ARHGAP18: variants seen among roughly 807,000 people sequenced by gnomAD.
ARHGAP18 encodes the protein Rho GTPase activating protein 18, also known as rho GTPase-activating protein 18.
In ARHGAP18, 67 loss-of-function variants were observed where a neutral mutation model predicts 86.2. The ratio of observed to expected loss-of-function variants is 0.78; its 90% CI spans 0.64 to 0.95. The LOEUF (loss-of-function observed/expected upper bound fraction) is 0.95. ARHGAP18 is among the 40% of genes least tolerant of loss of function. The pLI is 0.00. For missense variants in ARHGAP18, 691 were observed against 780.4 expected, an observed-to-expected ratio of 0.89 and a Z score of 1.37; for synonymous variants, 283 against 280.4, an observed-to-expected ratio of 1.01 and a Z score of -0.09.
chr6:129,664,247 G>A (rs989406238), intron 1 of ARHGAP18, among the ~76,000 whole-genome samples: 6 of 152,222 alleles, frequency 3.9e-5, no homozygotes, highest in Non-Finnish European at 7.3e-5. Flanking sequence ...AATAAACATA[G>A]CAGGGGATGG....
intron 2 of ARHGAP18, among the ~76,000 whole-genome samples, chr6:129,639,503 C>A (rs1773401572): frequency 6.6e-6 from 1 of 152,172 alleles, no homozygotes; most frequent in African/African-American, 2.4e-5. Context: ...GATCTGTAAA[C>A]TAAAGCACAC....
At chr6:129,592,519 G>C (rs1262977770) in intron 12 of ARHGAP18, among the ~76,000 whole-genome samples, 2 of 152,150 alleles carry the variant, frequency 1.3e-5, no homozygotes, top group Non-Finnish European at 2.9e-5. Flanking sequence ...GTTCCTCCCT[G>C]GTAAATTAAG....
intron 13 of ARHGAP18, among the ~76,000 whole-genome samples, chr6:129,583,280 G>T (rs1788325060): frequency 6.6e-6 from 1 of 152,156 alleles, no homozygotes; most frequent in Admixed American, 6.5e-5. Flanking sequence ...CTAAAAGAAA[G>T]AATTCAAAGG....
intron 6 of ARHGAP18, 124 bp from the exon 7 acceptor site, chr6:129,616,427 T>A: frequency 1.4e-6 from 1 of 709,872 alleles, no homozygotes; most frequent in Non-Finnish European, 2.3e-6. Context: ...AACTACTAAG[T>A]GAATGACAGC....
chr6:129,648,733 GAA>G (rs139629350), intron 1 of ARHGAP18, among the ~76,000 whole-genome samples: 1 of 150,750 alleles, frequency 6.6e-6, no homozygotes. Flanking sequence ...CTCTATGTTA[GAA>G]AAAAAAAGCA....
chr6:129,668,753 G>A (rs1013739218), intron 1 of ARHGAP18, among the ~76,000 whole-genome samples: 3 of 152,162 alleles, frequency 2.0e-5, no homozygotes, highest in South Asian at 2.1e-4. Context: ...TCCTCCACTC[G>A]ATCTCTAAAC....
chr6:129,615,879 A>G (rs1789087171), intron 7 of ARHGAP18, among the ~76,000 whole-genome samples: 1 of 152,256 alleles, frequency 6.6e-6, no homozygotes, highest in East Asian at 1.9e-4. Flanking sequence ...ATACACAGGC[A>G]TGAAATATTC....
intron 12 of ARHGAP18, among the ~76,000 whole-genome samples, chr6:129,591,519 T>C (rs973074707): frequency 1.2e-4 from 18 of 152,202 alleles, no homozygotes; most frequent in African/African-American, 4.1e-4. Flanking sequence ...AATGACCTCA[T>C]ATGGTCTTCA....
chr6:129,628,339 A>C lies in ARHGAP18; in HGVS notation c.786+1014T>G, dbSNP rs1397104749. ...GTGTCAGCCAGTAAGTGTAGAAGGA[A>C]TAATAGAATTTTAAAATAGCCATTT... On this transcript the variant is annotated intron_variant, in intron 5 of 14. Coordinates refer to ENST00000368149, the MANE Select transcript of ARHGAP18 (RefSeq NM_033515.3). Among the ~76,000 whole-genome samples, 3 of 152,204 alleles carry C rather than the reference A, an allele frequency of 2.0e-5. No homozygotes were observed. The East Asian group carries it at 5.8e-4, about 29-fold the overall frequency.
At chr6:129,672,148 T>C (rs537368085) in intron 1 of ARHGAP18, among the ~76,000 whole-genome samples, 1 of 152,280 alleles carries the variant, frequency 6.6e-6, no homozygotes, top group South Asian at 2.1e-4. Context: ...CTCAGATTTT[T>C]CATCTATGTC....
Position 129,607,938 on chromosome 6 carries a change from G to A in ARHGAP18, c.1237C>T (p.Pro413Ser). 1 of 1,613,758 alleles carries A rather than the reference G, an allele frequency of 6.2e-7. No homozygotes were observed. Among genetic ancestry groups the A allele is most frequent in the Non-Finnish European group, 8.5e-7 (1 of 1,179,844 alleles). The change falls in exon 9 of 15, where the codon CCA (proline) becomes TCA (serine). Residue 413 changes from proline (P) to serine (S), a missense_variant. Coordinates refer to ENST00000368149, the MANE Select transcript of ARHGAP18 (RefSeq NM_033515.3). Reference protein sequence around the residue: ...LKLFIRELPQPLLSVEYLKAF... With the variant: ...LKLFIRELPQSLLSVEYLKAF... ...TTGAGATACTCCACACTGAGCAGTGGCTGGGGCAACTCCCGAATGAAGAGC... is the reference window on the plus strand; with the variant it reads ...TTGAGATACTCCACACTGAGCAGTGACTGGGGCAACTCCCGAATGAAGAGC...
intron 12 of ARHGAP18, 127 bp from the exon 13 acceptor site, chr6:129,584,239 C>A: frequency 7.5e-7 from 1 of 1,331,366 alleles, no homozygotes. Flanking sequence ...ACCTTAACTA[C>A]TGTATAATGT....
chr6:129,589,927 T>C lies in ARHGAP18; in HGVS notation c.1714-5815A>G, dbSNP rs557524297. On this transcript the variant is annotated intron_variant, in intron 12 of 14. Transcript: ENST00000368149. The stretch of plus-strand genomic sequence containing the variant: ...AGGTCAGACAGCCCCTGGTAAACCA[T>C]TGGTGTAAGTCCAAGGGTCCAAACA... 5.3e-5 allele frequency among the ~76,000 whole-genome samples: 8 copies of C among 152,280 alleles called. No homozygotes were observed. In the East Asian group the frequency reaches 9.6e-4, roughly 18 times the overall value.
intron 1 of ARHGAP18, among the ~76,000 whole-genome samples, chr6:129,672,735 A>G (rs1774161947): frequency 6.6e-6 from 1 of 152,194 alleles, no homozygotes; most frequent in South Asian, 2.1e-4. Context: ...TCCTTCCAAT[A>G]ATGTCTTTGT....
At chr6:129,629,685 C>A (rs1773155648) in intron 4 of ARHGAP18, among the ~76,000 whole-genome samples, 163 bp from the exon 5 acceptor site, 2 of 152,086 alleles carry the variant, frequency 1.3e-5, no homozygotes, top group Non-Finnish European at 2.9e-5. Context: ...AGAATCCTAT[C>A]AATGGTGCAT....
chr6:129,608,063 C>CAAAAAA lies in ARHGAP18; in HGVS notation c.1123-12_1123-11insTTTTTT. On this transcript the variant is annotated splice_polypyrimidine_tract_variant and intron_variant, in intron 8 of 14. Coordinates refer to ENST00000368149, the MANE Select transcript of ARHGAP18 (RefSeq NM_033515.3). ...TTCTTGGCAAAGATTCTGATAGGCA[C>CAAAAAA]GAAAAAAAAAAAAAAAAAAAAAAGA... 4.7e-6 allele frequency: 3 copies of CAAAAAA among 643,622 alleles called. No homozygotes were observed. The highest frequency in any genetic ancestry group is 9.2e-5 in the South Asian group (2 of 21,742). 39.9% of individuals were successfully genotyped at this position (643,622 alleles called of 1,614,324 possible). A position where few individuals can be genotyped will look rare whatever the true frequency, so the allele number is the denominator to read the frequency against.
intron 1 of ARHGAP18, among the ~76,000 whole-genome samples, chr6:129,651,006 G>A (rs1394641000): frequency 6.6e-6 from 1 of 152,102 alleles, no homozygotes; most frequent in Non-Finnish European, 1.5e-5. Flanking sequence ...TTCCTTGGGG[G>A]CAAGAATCTA....
rs1788170955 is a variant in ARHGAP18, at chr6:129,576,154, T to C, written c.*2359A>G. 6.6e-6 allele frequency: 1 copy of C among 152,212 alleles called. No individual in the cohort carries two copies. Among genetic ancestry groups the C allele is most frequent in the South Asian group, 2.1e-4 (1 of 4,838 alleles). The allele number at this position is 152,212 out of a possible 1,614,324, so 9.4% of individuals were successfully genotyped here. Reference sequence around the variant, plus strand: ...ATGTTTTAAACTCAAGGCAAATATATTTATTTTTATTTTGTCTCATACACA... The same window carrying C: ...ATGTTTTAAACTCAAGGCAAATATACTTATTTTTATTTTGTCTCATACACA... On this transcript the variant is annotated 3_prime_UTR_variant, in exon 15 of 15. Transcript: ENST00000368149.
chr6:129,584,206 G>A lies in ARHGAP18; in HGVS notation c.1714-94C>T, dbSNP rs191643876. On this transcript the variant is annotated intron_variant, in intron 12 of 14. Coordinates refer to ENST00000368149, the MANE Select transcript of ARHGAP18 (RefSeq NM_033515.3). ...TATAGTAAGTGTGCTTAACTACTAC[G>A]CATTTTACTTCACTACATAAAAACC... is the stretch of plus-strand genomic sequence containing the variant. 52 of 1,491,354 alleles carry A rather than the reference G, an allele frequency of 3.5e-5. No homozygotes were observed. The East Asian group carries it at 5.7e-4, about 16-fold the overall frequency. 92.4% of individuals were successfully genotyped at this position (1,491,354 alleles called of 1,614,324 possible).
Sources: gnomAD v4.1 joint callset for allele counts (sites outside exome capture counted in the v4.1 genomes callset) on GRCh38, gnomAD v4.1.1 for gene constraint, MANE v1.5 for transcripts, NCBI Gene and HGNC (gene_info 2026-07-23, HGNC 2026-07-21) for gene names.